TFG: variants seen among roughly 807,000 people sequenced by gnomAD.
The protein encoded by TFG is trafficking from ER to golgi regulator.
Under a neutral mutation model 51.4 loss-of-function variants are expected in TFG, and 22 were observed. The ratio of observed to expected loss-of-function variants is 0.43; its 90% confidence interval spans 0.31 to 0.61. TFG has a LOEUF of 0.61. Ranked by LOEUF, TFG falls within the 20% of genes least tolerant of loss-of-function variation. The probability of loss-of-function intolerance (pLI) is 0.12; values close to 1 mark genes in which losing one functional copy is unlikely to be tolerated. For missense variants in TFG, 419 were observed against 487.7 expected (o/e 0.86, Z 1.33); for synonymous variants, 187 against 165.6 (o/e 1.13, Z -0.99).
rs766085001 is a variant in TFG, at chr3:100,734,253, A to G, written c.580+1581A>G. Reference sequence around the variant, plus strand: ...TCAAAACTGCTCCTTCTTTCTCCCTATGGTGTATAGCAGCTGATATGTATG... The same window carrying G: ...TCAAAACTGCTCCTTCTTTCTCCCTGTGGTGTATAGCAGCTGATATGTATG... On this transcript the variant is annotated intron_variant, in intron 5 of 7. Coordinates refer to ENST00000240851, the MANE Select transcript of TFG (RefSeq NM_006070.6). Among the ~76,000 whole-genome samples the G allele has an allele frequency of 3.3e-4, 50 of 151,912 alleles. 1 individual carries two copies. The highest frequency in any genetic ancestry group is 2.5e-3 in the Admixed American group (38 of 15,268).
chr3:100,710,650 C>G (rs921843978), intron 1 of TFG, among the ~76,000 whole-genome samples: 6 of 152,130 alleles, frequency 3.9e-5, no homozygotes, highest in Admixed American at 2.0e-4. Context: ...AGGAGGCAGG[C>G]TTTTTATATG....
chr3:100,738,146 G>T (rs1429078559), intron 6 of TFG, among the ~76,000 whole-genome samples: 1 of 151,966 alleles, frequency 6.6e-6, no homozygotes, highest in Non-Finnish European at 1.5e-5. Flanking sequence ...TGGACTAGCA[G>T]GTGACATTTT....
intron 5 of TFG, 120 bp from the exon 6 acceptor site, chr3:100,736,456 T>C: frequency 1.9e-6 from 2 of 1,079,332 alleles, no homozygotes; most frequent in African/African-American, 3.2e-5. Flanking sequence ...AAAAGGCGTA[T>C]TTGTGGTTAT....
chr3:100,732,878 A>G (rs1234436179), intron 5 of TFG, among the ~76,000 whole-genome samples: 1 of 152,196 alleles, frequency 6.6e-6, no homozygotes, highest in African/African-American at 2.4e-5. Flanking sequence ...CACTTCAGAA[A>G]GCTTTCTTAT....
At chr3:100,722,176 A>G (rs76071304) in intron 3 of TFG, among the ~76,000 whole-genome samples, 2,189 of 152,322 alleles carry the variant, frequency 0.014, 31 homozygotes, top group Middle Eastern at 0.078. Flanking sequence ...AAACGAGAAC[A>G]TAAGAGCAAG....
Position 100,748,199 on chromosome 3 carries a change from T to C in TFG, c.871T>C (p.Tyr291His). The C allele has an allele frequency of 6.2e-7, 1 of 1,614,128 alleles. No homozygotes were observed. Among genetic ancestry groups the C allele is most frequent in the African/African-American group, 1.3e-5 (1 of 75,050 alleles). Reference protein sequence around the residue: ...GPQQPQQFQGYGQQPTSQAPA... With the variant: ...GPQQPQQFQGHGQQPTSQAPA... ...TCAACAACCTCAGCAGTTCCAGGGATATGGCCAGCAACCAACTTCCCAGGC... is the reference window on the plus strand; with the variant it reads ...TCAACAACCTCAGCAGTTCCAGGGACATGGCCAGCAACCAACTTCCCAGGC... Residue 291 changes from tyrosine to histidine, a missense_variant, in exon 8 of 8, where the codon TAT becomes CAT. By Grantham distance (83) the Tyr-to-His change is moderately conservative. Around this residue, in one of 3 missense-constraint regions of TFG, gnomAD observed 391 missense variants for 434.4 expected, o/e 0.90. Transcript: ENST00000240851.
chr3:100,731,182 T>C (rs2095090655), intron 4 of TFG, among the ~76,000 whole-genome samples: 1 of 152,226 alleles, frequency 6.6e-6, no homozygotes, highest in Non-Finnish European at 1.5e-5. Flanking sequence ...TTTACTTGCT[T>C]GGTAACAAAA....
At chr3:100,724,518 A>G (rs111492604) in intron 3 of TFG, among the ~76,000 whole-genome samples, 101 of 152,340 alleles carry the variant, frequency 6.6e-4, no homozygotes, top group Middle Eastern at 3.4e-3. Flanking sequence ...TGGGCCAACT[A>G]TTTTACCAAA....
Position 100,732,581 on chromosome 3 carries a change from A to G in TFG, c.489A>G (p.Ala163=). 1.9e-6 allele frequency: 3 copies of G among 1,612,710 alleles called. No individual in the cohort carries two copies. The highest frequency in any genetic ancestry group is 2.5e-6 in the Non-Finnish European group (3 of 1,179,046). ...AACAGTCTACTCAGGTTATGGCAGC[A>G]AGTATGTCTGCTTTTGATCCTTTAA... The part of the protein sequence containing the change: ...SGKQSTQVMA[A]SMSAFDPLKN... Residue 163 remains alanine (A), a synonymous_variant, in exon 5 of 8, where the codon GCA becomes GCG. Coordinates refer to ENST00000240851, the MANE Select transcript of TFG (RefSeq NM_006070.6).
intron 6 of TFG, among the ~76,000 whole-genome samples, chr3:100,741,109 A>C (rs981132737): frequency 6.6e-6 from 1 of 152,032 alleles, no homozygotes; most frequent in African/African-American, 2.4e-5. Flanking sequence ...TGACTCTCTT[A>C]CTCATTTGTG....
chr3:100,724,651 A>G (rs1321330010), intron 3 of TFG, among the ~76,000 whole-genome samples: 5 of 152,236 alleles, frequency 3.3e-5, no homozygotes, highest in Non-Finnish European at 7.3e-5. Context: ...GCCAAGGAAA[A>G]TGCAAACCAG....
At chr3:100,730,436 GT>G (rs2095088340) in intron 4 of TFG, among the ~76,000 whole-genome samples, 1 of 152,074 alleles carries the variant, frequency 6.6e-6, no homozygotes, top group Non-Finnish European at 1.5e-5. Flanking sequence ...GCCATATGTT[GT>G]TTTCTTGTAT....
rs552544929 is a variant in TFG, at chr3:100,735,902, G to A, written c.581-674G>A. Among the ~76,000 whole-genome samples the A allele has an allele frequency of 2.4e-3, 371 of 152,264 alleles. 3 individuals are homozygous for A. Among genetic ancestry groups the A allele is most frequent in the African/African-American group, 8.5e-3 (352 of 41,546 alleles). On this transcript the variant is annotated intron_variant, in intron 5 of 7. Transcript: ENST00000240851. Reference sequence around the variant, plus strand: ...GAGAGCTATTCAGAAATGCAAAGTAGAAGTCAGTATGAGTTAACAAAAGTA... The same window carrying A: ...GAGAGCTATTCAGAAATGCAAAGTAAAAGTCAGTATGAGTTAACAAAAGTA...
chr3:100,725,254 A>G lies in TFG; in HGVS notation c.269-3458A>G, dbSNP rs1196565615. Among the ~76,000 whole-genome samples, 5 of 152,248 alleles carry G rather than the reference A, an allele frequency of 3.3e-5. No individual in the cohort carries two copies. The South Asian group carries it at 1.0e-3, about 32-fold the overall frequency. The stretch of plus-strand genomic sequence containing the variant: ...ATGGGGGCATTTATTACGTAGAACA[A>G]CTGCTGTATGCCTAATATAAAAGGA... On this transcript the variant is annotated intron_variant, in intron 3 of 7. Transcript: ENST00000240851.
intron 5 of TFG, among the ~76,000 whole-genome samples, chr3:100,735,364 T>C (rs944069727): frequency 7.9e-5 from 12 of 152,204 alleles, no homozygotes; most frequent in African/African-American, 1.4e-4. Context: ...CAAGTACTTA[T>C]ATGGAACTTT....
chr3:100,746,083 A>G (rs1343575093), intron 7 of TFG, among the ~76,000 whole-genome samples: 1 of 152,230 alleles, frequency 6.6e-6, no homozygotes, highest in Admixed American at 6.5e-5. Flanking sequence ...ATTGTATAAA[A>G]TACATAGAAC....
At chr3:100,718,359 A>G (rs1045494379) in intron 2 of TFG, among the ~76,000 whole-genome samples, 3 of 152,134 alleles carry the variant, frequency 2.0e-5, no homozygotes, top group African/African-American at 7.2e-5. Flanking sequence ...GAGAGAATAA[A>G]TATTGTAGCT....
intron 6 of TFG, chr3:100,744,389 A>G (rs1227958225): frequency 6.6e-6 from 1 of 152,456 alleles, no homozygotes; most frequent in Non-Finnish European, 1.5e-5. Context: ...GTTTGTTCAT[A>G]TGGTAATAGA....
intron 6 of TFG, among the ~76,000 whole-genome samples, chr3:100,740,000 T>C (rs2095116940): frequency 6.6e-6 from 1 of 152,170 alleles, no homozygotes; most frequent in African/African-American, 2.4e-5. Flanking sequence ...TCCCTAATTG[T>C]TTCAAGATTC....
Sources: gnomAD v4.1 joint callset for allele counts (sites outside exome capture counted in the v4.1 genomes callset) on GRCh38, gnomAD v4.1.1 for gene constraint, gnomAD v4.1.1 regional missense constraint, MANE v1.5 for transcripts, NCBI Gene and HGNC (gene_info 2026-07-23, HGNC 2026-07-21) for gene names.